Variants in FARP2 observed in about 807,000 individuals in gnomAD.
FARP2 encodes FERM, ARHGEF and pleckstrin domain-containing protein 2.
FARP2 carries 111 observed loss-of-function variants against 130.5 expected under a neutral mutation model. The ratio of observed to expected loss-of-function variants is 0.85; its 90% CI spans 0.73 to 1.00. FARP2 has a LOEUF of 1.00. FARP2 is among the 50% of genes least tolerant of loss of function. The pLI is 0.00. For synonymous variants in FARP2, 504 were observed against 516.9 expected, an observed-to-expected ratio of 0.98 and a Z score of 0.34; for missense variants, 1,385 against 1,346.3, an observed-to-expected ratio of 1.03 and a Z score of -0.45.
At chr2:241,455,330 A>C (rs942435912) in intron 13 of FARP2, among the ~76,000 whole-genome samples, 1 of 152,232 alleles carries the variant, frequency 6.6e-6, no homozygotes, top group Non-Finnish European at 1.5e-5. Context: ...AAATCATGAT[A>C]GTTTCAGTGT....
chr2:241,485,643 C>T (rs2064734959), intron 21 of FARP2, among the ~76,000 whole-genome samples: 1 of 148,848 alleles, frequency 6.7e-6, no homozygotes, highest in Non-Finnish European at 1.5e-5. Context: ...GGAGTCCTCC[C>T]TCCCTGAGGT....
rs2063379889 is a variant in FARP2, at chr2:241,441,390, C to T, written c.1245C>T (p.Val415=). The T allele has an allele frequency of 2.5e-6, 4 of 1,614,218 alleles. No homozygotes were observed. The East Asian group carries it at 8.9e-5, about 36-fold the overall frequency. The change falls in exon 13 of 27, where the codon GTC becomes GTT. Residue 415 remains valine (V), a synonymous_variant. Coordinates refer to ENST00000264042, the MANE Select transcript of FARP2 (RefSeq NM_014808.4). ...AFYSLSPSTL[V]PSGLPEFKDS... Reference sequence around the variant, plus strand: ...ACTCGCTCTCTCCCTCCACTCTGGTCCCCTCTGGCCTGCCAGAGTTTAAGG... The same window carrying T: ...ACTCGCTCTCTCCCTCCACTCTGGTTCCCTCTGGCCTGCCAGAGTTTAAGG...
At position 241,477,123 on chromosome 2, in the gene FARP2, C is replaced by CTTTT. The variant is rs71406462; in HGVS notation, c.2262+1154_2262+1157dup. Among the ~76,000 whole-genome samples, 319 of 122,620 alleles carry CTTTT rather than the reference C, an allele frequency of 2.6e-3. 7 individuals carry two copies. The highest frequency in any genetic ancestry group is 3.4e-3 in the Non-Finnish European group (211 of 61,238). The allele number at this position is 122,620 out of a possible 152,430, so 80.4% of individuals were successfully genotyped here. A position where few individuals can be genotyped will look rare whatever the true frequency, so the allele number is the denominator to read the frequency against. On this transcript the variant is annotated intron_variant, in intron 19 of 26. Transcript: ENST00000264042. ...ATCTTTTCAAGGTTCATTCATGTTC[C>CTTTT]TTTTTTTTTTTTTTTTTTTTTATTT... is the stretch of plus-strand genomic sequence containing the variant.
At chr2:241,370,948 A>C (rs909540656) in intron 1 of FARP2, among the ~76,000 whole-genome samples, 1 of 152,166 alleles carries the variant, frequency 6.6e-6, no homozygotes, top group African/African-American at 2.4e-5. Flanking sequence ...TCAGGTAATA[A>C]ATGTGTCAGT....
intron 2 of FARP2, among the ~76,000 whole-genome samples, chr2:241,387,790 CAAAA>C (rs200728771): frequency 2.1e-5 from 2 of 93,910 alleles, no homozygotes; most frequent in Middle Eastern, 5.6e-3. Context: ...GAGACTGTCT[CAAAA>C]AAAAAAAAAA....
chr2:241,493,938 C>A, intron 26 of FARP2, 70 bp from the exon 27 acceptor site: 1 of 1,001,842 alleles, frequency 1.0e-6, no homozygotes. Context: ...GTCCCATATC[C>A]TGGGTTGTTC....
chr2:241,377,502 T>C (rs1256013210), intron 2 of FARP2, among the ~76,000 whole-genome samples: 2 of 151,962 alleles, frequency 1.3e-5, no homozygotes, highest in South Asian at 4.1e-4. Flanking sequence ...CCACCGCGCC[T>C]GGCTAATTTT....
chr2:241,454,312 G>A (rs186188449), intron 13 of FARP2, among the ~76,000 whole-genome samples: 9 of 152,224 alleles, frequency 5.9e-5, no homozygotes, highest in African/African-American at 1.4e-4. Context: ...GTGCTGTGAG[G>A]ACCCCTGGAA....
chr2:241,413,553 G>A (rs977946113), intron 7 of FARP2, 132 bp downstream of exon 7: 34 of 673,834 alleles, frequency 5.0e-5, no homozygotes, highest in African/African-American at 1.8e-5. Context: ...GCCTCAGGAT[G>A]TGCAGCTGCT....
At chr2:241,398,716 G>C (rs1301197158) in intron 2 of FARP2, among the ~76,000 whole-genome samples, 1 of 151,848 alleles carries the variant, frequency 6.6e-6, no homozygotes, top group Non-Finnish European at 1.5e-5. Context: ...ATTACAGGCT[G>C]TGCCACCACG....
chr2:241,395,663 A>C (rs1185388458), intron 2 of FARP2: 2 of 152,184 alleles, frequency 1.3e-5, no homozygotes, highest in African/African-American at 4.8e-5. Flanking sequence ...GTCAGGTTGG[A>C]CTTCAGTATT....
At chr2:241,392,420 A>G (rs2061929008) in intron 2 of FARP2, among the ~76,000 whole-genome samples, 1 of 152,230 alleles carries the variant, frequency 6.6e-6, no homozygotes, top group Non-Finnish European at 1.5e-5. Flanking sequence ...CAGTATTAAC[A>G]GGTTCAAATT....
At chr2:241,406,786 A>G (rs1024821788) in intron 4 of FARP2, among the ~76,000 whole-genome samples, 3 of 150,204 alleles carry the variant, frequency 2.0e-5, no homozygotes, top group Non-Finnish European at 3.0e-5. Flanking sequence ...TTAATGTGCA[A>G]TTTCCTACTT....
chr2:241,457,930 G>C (rs1264049239), intron 14 of FARP2, among the ~76,000 whole-genome samples: 1 of 152,178 alleles, frequency 6.6e-6, no homozygotes, highest in Non-Finnish European at 1.5e-5. Context: ...CACAGACAGG[G>C]GTGAGGCTTT....
intron 14 of FARP2, among the ~76,000 whole-genome samples, chr2:241,461,809 G>A (rs1033536626): frequency 5.9e-5 from 9 of 152,234 alleles, no homozygotes; most frequent in African/African-American, 2.2e-4. Context: ...CGGAGAAGAG[G>A]CTGTTAAGTT....
At chr2:241,402,836 TTATATATATATATATATA>T (rs1215612816) in intron 2 of FARP2, among the ~76,000 whole-genome samples, 87 of 16,828 alleles carry the variant, frequency 5.2e-3, no homozygotes, top group South Asian at 9.7e-3. Context: ...CCCAGCTAAT[TTATATATATATATATATA>T]TATATATATA....
intron 12 of FARP2, among the ~76,000 whole-genome samples, chr2:241,438,578 C>T (rs2063301340): frequency 6.6e-6 from 1 of 151,076 alleles, no homozygotes. Flanking sequence ...CATGGTATCC[C>T]AGGTTTTTTC....
intron 2 of FARP2, among the ~76,000 whole-genome samples, chr2:241,383,957 G>A (rs1489841562): frequency 6.6e-6 from 1 of 152,044 alleles, no homozygotes; most frequent in African/African-American, 2.4e-5. Flanking sequence ...GCTCTTTTCA[G>A]TGCACCAGAT....
rs569004958 is a variant in FARP2 at position 241,465,842 on chromosome 2, T to C, written c.1893+1862T>C. 3.4e-5 allele frequency: 52 copies of C among 1,531,106 alleles called. No individual in the cohort carries two copies. In the African/African-American group the frequency reaches 6.6e-4, roughly 19 times the overall value. The allele number at this position is 1,531,106 out of a possible 1,614,324, so 94.8% of individuals were successfully genotyped here. On this transcript the variant is annotated intron_variant, in intron 17 of 26. Coordinates refer to ENST00000264042, the MANE Select transcript of FARP2 (RefSeq NM_014808.4). ...TCTGGCCACTCCTCACACCTAGAGT[T>C]CCCAAGGGACTATAGGTTTTGCTGT...
Sources: gnomAD v4.1 joint callset for allele counts (sites outside exome capture counted in the v4.1 genomes callset) on GRCh38, gnomAD v4.1.1 for gene constraint, MANE v1.5 for transcripts, NCBI Gene and HGNC (gene_info 2026-07-23, HGNC 2026-07-21) for gene names.